COPZ2: variants seen among roughly 807,000 people sequenced by gnomAD.
COPZ2 encodes coat protein complex I subunit zeta 2, also known as coatomer subunit zeta-2.
A neutral mutation model predicts 33.2 loss-of-function variants in COPZ2; 30 were observed. The observed-to-expected ratio is 0.90, with a 90% CI of 0.68 to 1.23. COPZ2 has a LOEUF of 1.23. Among genes scored for constraint, COPZ2 ranks in the 50% most tolerant of loss-of-function variants. The probability of loss-of-function intolerance (pLI) is 0.00; values close to 1 mark genes in which losing one functional copy is unlikely to be tolerated. For missense variants in COPZ2, 263 were observed against 262.4 expected, an observed-to-expected ratio of 1.00 and a Z score of -0.02; for synonymous variants, 89 against 102.6, an observed-to-expected ratio of 0.87 and a Z score of 0.80.
chr17:48,034,266 G>A (rs1295905641), intron 2 of COPZ2, among the ~76,000 whole-genome samples: 4 of 152,114 alleles, frequency 2.6e-5, no homozygotes, highest in South Asian at 2.1e-4. Context: ...GCGCCACCAC[G>A]CCCAGCTAAT....
At chr17:48,033,367 C>T in intron 3 of COPZ2, 65 bp from the exon 4 acceptor site, 2 of 879,618 alleles carry the variant, frequency 2.3e-6, no homozygotes, top group Non-Finnish European at 3.8e-6. Flanking sequence ...CCCTCCTCCT[C>T]ATGTATGACT....
At chr17:48,040,457 G>T (rs892671647), upstream of COPZ2, among the ~76,000 whole-genome samples, 1 of 145,774 alleles carries the variant, frequency 6.9e-6, no homozygotes, top group Non-Finnish European at 1.5e-5. Context: ...TTTTTGAGAC[G>T]GAGTCTTGCT....
At chr17:48,026,576 G>A (rs749408101) in intron 8 of COPZ2, 101 bp from the exon 9 acceptor site, 1 of 789,634 alleles carries the variant, frequency 1.3e-6, no homozygotes. Flanking sequence ...AAGCGCCCCT[G>A]CAACCACCGG....
chr17:48,030,901 C>G (rs1206519348), intron 6 of COPZ2, among the ~76,000 whole-genome samples: 1 of 152,172 alleles, frequency 6.6e-6, no homozygotes, highest in Non-Finnish European at 1.5e-5. Flanking sequence ...GCTTCTGGCT[C>G]CCCAAAACCT....
chr17:48,029,795 C>T (rs1013830577), intron 6 of COPZ2, among the ~76,000 whole-genome samples: 7 of 151,714 alleles, frequency 4.6e-5, no homozygotes, highest in African/African-American at 1.7e-4. Flanking sequence ...ATGGCGAAAC[C>T]CTGTCTCTAG....
the COPZ2 span, among the ~76,000 whole-genome samples, chr17:48,044,563 C>A: frequency 6.6e-6 from 1 of 151,950 alleles, no homozygotes. Context: ...TGGGGTGGGA[C>A]CTGGGCATTG....
At chr17:48,033,836 C>A in intron 3 of COPZ2, 27 bp downstream of exon 3, 1 of 1,548,324 alleles carries the variant, frequency 6.5e-7, no homozygotes, top group South Asian at 1.2e-5. Context: ...ATCTGATAGT[C>A]TGCTGGAGGA....
chr17:48,047,202 G>A, the COPZ2 span: 1 of 152,352 alleles, frequency 6.6e-6, no homozygotes, highest in East Asian at 1.9e-4. Context: ...AGGGACTAAT[G>A]ACTCACCTAT....
chr17:48,036,994 G>A, intron 1 of COPZ2, 69 bp from the exon 2 acceptor site: 1 of 1,361,854 alleles, frequency 7.3e-7, no homozygotes, highest in Non-Finnish European at 1.0e-6. Flanking sequence ...TATGGGATCT[G>A]CTGGCCCTAG....
the COPZ2 span, chr17:48,043,429 T>C: frequency 1.3e-6 from 1 of 749,550 alleles, no homozygotes; most frequent in Admixed American, 6.3e-5. Flanking sequence ...ACAGCTCCCT[T>C]GGGTACCAGC....
In COPZ2 at chr17:48,032,251, C is replaced by A. The variant is rs1555571527; in HGVS notation, c.417-18G>T. On this transcript the variant is annotated intron_variant, in intron 5 of 8. Coordinates refer to ENST00000621465, the MANE Select transcript of COPZ2 (RefSeq NM_016429.4). The stretch of plus-strand genomic sequence containing the variant: ...CGTTCTTCCTGAAGGTGGACACAAG[C>A]TCCTGAGCCTCCCTGTGGCTGGGAG... 4 of 1,605,818 alleles carry A rather than the reference C, an allele frequency of 2.5e-6. No homozygotes were observed. In the South Asian group the frequency reaches 4.5e-5, roughly 18 times the overall value.
At chr17:48,036,281 TTAAATAAG>T (rs1441123779) in intron 2 of COPZ2, among the ~76,000 whole-genome samples, 1 of 152,070 alleles carries the variant, frequency 6.6e-6, no homozygotes, top group Non-Finnish European at 1.5e-5. Context: ...AGTGAAAAAA[TTAAATAAG>T]TAAATAAATA....
chr17:48,032,761 G>T lies in COPZ2; in HGVS notation c.361-20C>A. 1 of 1,579,508 alleles carries T rather than the reference G, an allele frequency of 6.3e-7. No individual in the cohort carries two copies. The highest frequency in any genetic ancestry group is 1.2e-5 in the South Asian group (1 of 86,088). On this transcript the variant is annotated intron_variant, in intron 4 of 8. Coordinates refer to ENST00000621465, the MANE Select transcript of COPZ2 (RefSeq NM_016429.4). ...CATCAGCTGGGATGGGCAGATACGG[G>T]AGGAGGAAAAGGAGAGTTTGAGATT...
In COPZ2 at chr17:48,033,213, C is replaced by A. The variant is rs1428273280; in HGVS notation, c.358G>T (p.Glu120Ter). Residue 120 changes from glutamate to a stop codon, truncating the protein, a stop_gained and splice_region_variant, in exon 4 of 9, where the codon GAG (glutamate) becomes TAG (stop). Coordinates refer to ENST00000621465, the MANE Select transcript of COPZ2 (RefSeq NM_016429.4). LOFTEE classifies it high-confidence loss of function. ...CTGCCCCAACCTCCTGAATTCACCT[C>A]ATTCTCGTAGGATGAGCCCACCACG... Reference protein sequence around the residue: ...LYVVGSSYENELMLMSVLTCL... With the variant: ...LYVVGSSYEN 1.2e-6 allele frequency: 2 copies of A among 1,602,970 alleles called. No individual in the cohort carries two copies. The highest frequency in any genetic ancestry group is 2.2e-5 in the East Asian group (1 of 44,820).
intron 2 of COPZ2, among the ~76,000 whole-genome samples, chr17:48,035,753 C>CTT (rs368011148): frequency 2.1e-4 from 27 of 131,514 alleles, no homozygotes; most frequent in Admixed American, 2.3e-4. Context: ...TTTTTCTTTT[C>CTT]TTTTTTTTTT....
upstream of COPZ2, among the ~76,000 whole-genome samples, chr17:48,041,318 G>A (rs4794402): frequency 0.028 from 4,285 of 152,198 alleles, 185 homozygotes; most frequent in African/African-American, 0.096. Flanking sequence ...ACATGCGTGC[G>A]TTTCTGTGCA....
chr17:48,037,045 C>A lies in COPZ2; in HGVS notation c.112-120G>T. The A allele has an allele frequency of 1.1e-6, 1 of 917,120 alleles. No homozygotes were observed. Among genetic ancestry groups the A allele is most frequent in the Non-Finnish European group, 1.8e-6 (1 of 555,570 alleles). The allele number at this position is 917,120 out of a possible 1,614,324, so 56.8% of individuals were successfully genotyped here. On this transcript the variant is annotated intron_variant, in intron 1 of 8. Transcript: ENST00000621465. This position sits in a 1 kb window ranked among gnomAD's most constrained non-coding sequence, Gnocchi z 5.6. ...CCCAGCAACCCCAGTCCTCAAGGTC[C>A]ACAGCTGGTTCTGCCCAGCCCTGTG...
intron 7 of COPZ2, 81 bp downstream of exon 7, chr17:48,029,044 C>A: frequency 7.5e-7 from 1 of 1,325,560 alleles, no homozygotes; most frequent in Non-Finnish European, 1.1e-6. Flanking sequence ...TGGGCTTCTA[C>A]CATCTAGGCC....
At chr17:48,031,650 T>C (rs2036896631) in intron 6 of COPZ2, 1 of 156,140 alleles carries the variant, frequency 6.4e-6, no homozygotes, top group Non-Finnish European at 1.4e-5. Context: ...TTCACATGTA[T>C]CTTCTCACAC....
Sources: allele counts gnomAD v4.1 joint callset (sites outside exome capture counted in the v4.1 genomes callset), GRCh38; gene constraint gnomAD v4.1.1; non-coding constraint Gnocchi (gnomAD v3.1); transcripts MANE v1.5; gene names NCBI Gene and HGNC (gene_info 2026-07-23, HGNC 2026-07-21).